The following CAPRIN2 variants were observed in gnomAD, a reference collection of about 807,000 sequenced individuals.
CAPRIN2 encodes caprin family member 2.
A neutral mutation model predicts 130.4 loss-of-function variants in CAPRIN2; 66 were observed. That is an observed-to-expected ratio of 0.51 (90% confidence interval 0.42 to 0.62). CAPRIN2 has a LOEUF of 0.62. CAPRIN2 is among the 20% of genes least tolerant of loss of function. The probability of loss-of-function intolerance (pLI) is 0.00; values close to 1 mark genes in which losing one functional copy is unlikely to be tolerated. For missense variants in CAPRIN2, 1,185 were observed against 1,246.6 expected, an observed-to-expected ratio of 0.95 and a Z score of 0.74; for synonymous variants, 471 against 444.1, an observed-to-expected ratio of 1.06 and a Z score of -0.76.
chr12:30,754,878 C>CGAG, upstream of CAPRIN2: 1 of 152,214 alleles, frequency 6.6e-6, no homozygotes, highest in East Asian at 1.9e-4. Context: ...CTGTCTCCTC[C>CGAG]CTCTCCCCTC....
intron 3 of CAPRIN2, among the ~76,000 whole-genome samples, chr12:30,735,556 C>A (rs995334845): frequency 1.3e-5 from 2 of 151,958 alleles, no homozygotes; most frequent in Non-Finnish European, 2.9e-5. Flanking sequence ...CTTTTTGGAC[C>A]TTTTAGGATT....
intron 4 of CAPRIN2, among the ~76,000 whole-genome samples, chr12:30,734,724 T>C (rs2063885578): frequency 6.6e-6 from 1 of 152,094 alleles, no homozygotes; most frequent in Admixed American, 6.5e-5. Flanking sequence ...AAGAAGCATG[T>C]TAATGAGACC....
intron 3 of CAPRIN2, among the ~76,000 whole-genome samples, chr12:30,738,066 C>T (rs2065714727): frequency 6.6e-6 from 1 of 152,030 alleles, no homozygotes; most frequent in Admixed American, 6.5e-5. Flanking sequence ...TATCATAGAA[C>T]ATGTCTGACA....
At chr12:30,741,891 C>G (rs1041135229) in intron 2 of CAPRIN2, among the ~76,000 whole-genome samples, 4 of 152,000 alleles carry the variant, frequency 2.6e-5, no homozygotes, top group Non-Finnish European at 5.9e-5. Flanking sequence ...TGAAAACAAT[C>G]CAAATATCCA....
intron 4 of CAPRIN2, 139 bp downstream of exon 5, chr12:30,734,829 A>G: frequency 3.0e-6 from 2 of 667,918 alleles, no homozygotes; most frequent in Middle Eastern, 3.8e-4. Flanking sequence ...TACTTTCTTA[A>G]GTTCTCTCTC....
At chr12:30,716,633 T>C (rs2057662864) in exon 13 of CAPRIN2, 3 of 1,614,020 alleles carry the variant, frequency 1.9e-6, no homozygotes, top group Non-Finnish European at 2.5e-6. Flanking sequence ...TTCTTTTATT[T>C]CTTGTTCTTT....
intron 13 of CAPRIN2, chr12:30,715,503 G>A (rs890220260): frequency 4.4e-6 from 2 of 457,210 alleles, no homozygotes; most frequent in African/African-American, 2.0e-5. Context: ...GTTGCCAGGG[G>A]CTGGGGGGAG....
chr12:30,711,882 C>T (rs1004462120), intron 15 of CAPRIN2: 2 of 617,074 alleles, frequency 3.2e-6, no homozygotes, highest in Non-Finnish European at 6.0e-6. Context: ...CAACAAAGCA[C>T]TTGGAGAATA....
intron 10 of CAPRIN2, among the ~76,000 whole-genome samples, chr12:30,723,792 T>C (rs1470008036): frequency 6.6e-6 from 1 of 152,208 alleles, no homozygotes; most frequent in African/African-American, 2.4e-5. Flanking sequence ...TCACTTTTAT[T>C]AATTACTCTC....
chr12:30,749,991 A>G (rs1482398146), intron 2 of CAPRIN2, among the ~76,000 whole-genome samples: 1 of 152,186 alleles, frequency 6.6e-6, no homozygotes, highest in African/African-American at 2.4e-5. Flanking sequence ...AAAATAAGGA[A>G]CACAACTCTA....
At chr12:30,722,227 T>C (rs1053858437) in intron 11 of CAPRIN2, among the ~76,000 whole-genome samples, 3 of 152,206 alleles carry the variant, frequency 2.0e-5, no homozygotes, top group African/African-American at 7.2e-5. Context: ...AGTAGACCAG[T>C]TGGAGGTGGG....
At chr12:30,751,909 ATTTTTTTTTTT>A (rs574883707) in intron 1 of CAPRIN2, among the ~76,000 whole-genome samples, 11 of 87,872 alleles carry the variant, frequency 1.3e-4, no homozygotes, top group Non-Finnish European at 2.0e-4. Flanking sequence ...CCACTATGGT[ATTTTTTTTTTT>A]TTTTTTTTTT....
rs1182132459 is a variant in CAPRIN2, at chr12:30,751,062, G to C, written c.483+9C>G. The C allele has an allele frequency of 6.2e-7, 1 of 1,607,940 alleles. No individual in the cohort carries two copies. The highest frequency in any genetic ancestry group is 1.3e-5 in the African/African-American group (1 of 74,800). On this transcript the variant is annotated intron_variant, in intron 2 of 16. Transcript: ENST00000298892. Reference sequence around the variant, plus strand: ...AGCAAGTCTTACTAAAAGATCATAAGCCACTTACCAACTGGTCTGGATTAA... The same window carrying C: ...AGCAAGTCTTACTAAAAGATCATAACCCACTTACCAACTGGTCTGGATTAA...
rs772173740 is a variant in CAPRIN2, at chr12:30,710,490, G to C, written c.2666-20C>G. ...ACCCTGCTGTTTTATTAGCAACAGTGAGTTTCTCATAATGAAGCAGTTAGC... is the reference window on the plus strand; with the variant it reads ...ACCCTGCTGTTTTATTAGCAACAGTCAGTTTCTCATAATGAAGCAGTTAGC... On this transcript the variant is annotated intron_variant, in intron 16 of 16. Transcript: ENST00000298892. This position sits in a 1 kb window ranked among gnomAD's most constrained non-coding sequence, Gnocchi z 4.8. 3.7e-6 allele frequency: 6 copies of C among 1,613,286 alleles called. No individual in the cohort carries two copies. In the Admixed American group the frequency reaches 8.3e-5, roughly 22 times the overall value.
chr12:30,753,314 C>T (rs1272944740), intron 1 of CAPRIN2, 30 bp downstream of exon 2: 2 of 1,539,626 alleles, frequency 1.3e-6, no homozygotes, highest in Non-Finnish European at 1.8e-6. Context: ...TAAGATCATG[C>T]ATCTACAGGA....
intron 2 of CAPRIN2, among the ~76,000 whole-genome samples, chr12:30,745,768 G>A (rs924385894): frequency 2.0e-5 from 3 of 152,148 alleles, no homozygotes; most frequent in Non-Finnish European, 2.9e-5. Flanking sequence ...TCTAAAAGCT[G>A]ATTTTGGGTG....
intron 2 of CAPRIN2, among the ~76,000 whole-genome samples, chr12:30,747,157 C>A (rs2070950918): frequency 6.6e-6 from 1 of 152,170 alleles, no homozygotes; most frequent in Non-Finnish European, 1.5e-5. Context: ...GATGATAGCA[C>A]ACCTTCTTAC....
At chr12:30,721,317 G>A (rs904980246) in intron 11 of CAPRIN2, among the ~76,000 whole-genome samples, 4 of 151,290 alleles carry the variant, frequency 2.6e-5, no homozygotes, top group East Asian at 2.0e-4. Context: ...CTCCGGGTAC[G>A]TTTAACACTG....
At chr12:30,729,793 T>A (rs543537526) in intron 7 of CAPRIN2, among the ~76,000 whole-genome samples, 2 of 152,236 alleles carry the variant, frequency 1.3e-5, no homozygotes, top group Non-Finnish European at 2.9e-5. Flanking sequence ...ACACTGTTTT[T>A]GAATCTCCCA....
Sources: gnomAD v4.1 joint callset for allele counts (sites outside exome capture counted in the v4.1 genomes callset) on GRCh38, gnomAD v4.1.1 for gene constraint, Gnocchi (gnomAD v3.1) non-coding constraint, MANE v1.5 for transcripts, NCBI Gene and HGNC (gene_info 2026-07-23, HGNC 2026-07-21) for gene names.